Variants in AGBL4 observed in about 807,000 individuals in gnomAD.
The protein encoded by AGBL4 is AGBL carboxypeptidase 4, also known as cytosolic carboxypeptidase 6.
Under a neutral mutation model 66.4 loss-of-function variants are expected in AGBL4, and 58 were observed. The ratio of observed to expected loss-of-function variants is 0.87; its 90% confidence interval spans 0.71 to 1.09. The LOEUF (loss-of-function observed/expected upper bound fraction) is 1.09. AGBL4 is among the 50% of genes least tolerant of loss of function. The probability of loss-of-function intolerance (pLI) is 0.00; values close to 1 mark genes in which losing one functional copy is unlikely to be tolerated. For synonymous variants in AGBL4, 234 were observed against 222.9 expected (o/e 1.05, Z -0.44); for missense variants, 579 against 631.0 (o/e 0.92, Z 0.88).
chr1:49,937,197 C>T lies in AGBL4; in HGVS notation c.35-85679G>A, dbSNP rs182521782. ...AAGGCAAGGGTTGCAATCCTAGTCT[C>T]TGATAAAACAGACATTAAACCAACA... is the stretch of plus-strand genomic sequence containing the variant. On this transcript the variant is annotated intron_variant, in intron 1 of 13. Transcript: ENST00000371839. 3.6e-3 allele frequency among the ~76,000 whole-genome samples: 550 copies of T among 152,162 alleles called. 3 individuals carry two copies. Among genetic ancestry groups the T allele is most frequent in the African/African-American group, 0.012 (497 of 41,510 alleles).
chr1:49,311,750 G>A (rs900535706), intron 3 of AGBL4, among the ~76,000 whole-genome samples: 1 of 151,630 alleles, frequency 6.6e-6, no homozygotes, highest in Non-Finnish European at 1.5e-5. Flanking sequence ...ATAATTCCAG[G>A]TATCATCTTT....
At position 48,887,941 on chromosome 1, in the gene AGBL4, A is replaced by T. The variant is rs147092026; in HGVS notation, c.595-20711T>A. 2.0e-3 allele frequency among the ~76,000 whole-genome samples: 307 copies of T among 152,252 alleles called. 3 individuals are homozygous for T. The highest frequency in any genetic ancestry group is 7.1e-3 in the African/African-American group (295 of 41,556). On this transcript the variant is annotated intron_variant, in intron 5 of 13. Coordinates refer to ENST00000371839, the MANE Select transcript of AGBL4 (RefSeq NM_032785.4). ...CTCTGTTTGTAGAATGAATGAGCAA[A>T]TTAATGATCAGACTGGGATTTTTCT...
intron 3 of AGBL4, among the ~76,000 whole-genome samples, chr1:49,694,614 C>A (rs1308743454): frequency 6.6e-6 from 1 of 152,174 alleles, no homozygotes; most frequent in Non-Finnish European, 1.5e-5. Context: ...ACAGACCCAA[C>A]TCTCTTGTAA....
At chr1:49,317,176 T>C (rs544653980) in intron 3 of AGBL4, among the ~76,000 whole-genome samples, 29 of 152,078 alleles carry the variant, frequency 1.9e-4, no homozygotes, top group African/African-American at 6.7e-4. Context: ...ATTTTTTGTT[T>C]TCGTCTTTTT....
intron 4 of AGBL4, among the ~76,000 whole-genome samples, chr1:49,119,969 A>G (rs542581597): frequency 3.3e-5 from 5 of 152,254 alleles, no homozygotes; most frequent in Admixed American, 6.5e-5. Context: ...TTGTTGGTTT[A>G]AAGTCTGTTT....
At chr1:49,499,720 C>CATATATATATATATATATATATATAT (rs151053487) in intron 3 of AGBL4, among the ~76,000 whole-genome samples, 1 of 145,346 alleles carries the variant, frequency 6.9e-6, no homozygotes, top group South Asian at 2.2e-4. Context: ...GAATGGTATT[C>CATATATATATATATATATATATATAT]ATATATATAT....
chr1:49,880,628 G>T (rs954092998), intron 1 of AGBL4, among the ~76,000 whole-genome samples: 25 of 152,212 alleles, frequency 1.6e-4, no homozygotes, highest in Non-Finnish European at 3.4e-4. Flanking sequence ...TCTGTGCCCT[G>T]CCCCCAGAGG....
chr1:49,561,371 T>C (rs568762248), intron 3 of AGBL4, among the ~76,000 whole-genome samples: 13 of 152,020 alleles, frequency 8.6e-5, no homozygotes, highest in African/African-American at 3.1e-4. Context: ...GCAGGTTACA[T>C]ATGTACACAT....
rs1174499430 is a variant in AGBL4, at chr1:48,951,695, A to T, written c.595-84465T>A. Among the ~76,000 whole-genome samples, 3 of 152,306 alleles carry T rather than the reference A, an allele frequency of 2.0e-5. No individual in the cohort carries two copies. The East Asian group carries it at 5.8e-4, about 29-fold the overall frequency. ...CATCATGCTGGCATCCTGATCTCAG[A>T]CTTCCAGACTCCCGAACTGTGAGAA... On this transcript the variant is annotated intron_variant, in intron 5 of 13. Transcript: ENST00000371839.
At chr1:48,791,047 G>A (rs537762224) in intron 6 of AGBL4, among the ~76,000 whole-genome samples, 1 of 152,252 alleles carries the variant, frequency 6.6e-6, no homozygotes, top group East Asian at 1.9e-4. Flanking sequence ...CCAGAACCAT[G>A]AGCCAAATAA....
intron 4 of AGBL4, among the ~76,000 whole-genome samples, chr1:49,239,332 T>C (rs1189404302): frequency 1.3e-5 from 2 of 152,286 alleles, no homozygotes; most frequent in East Asian, 3.9e-4. Flanking sequence ...TTATAGACAT[T>C]AATCTTAGAG....
At chr1:49,073,112 C>G (rs1644642767) in intron 4 of AGBL4, among the ~76,000 whole-genome samples, 1 of 152,138 alleles carries the variant, frequency 6.6e-6, no homozygotes, top group African/African-American at 2.4e-5. Flanking sequence ...TTTATGTTCT[C>G]CTCTACACTG....
chr1:49,677,462 T>C (rs747394945), intron 3 of AGBL4, among the ~76,000 whole-genome samples: 1 of 152,102 alleles, frequency 6.6e-6, no homozygotes, highest in African/African-American at 2.4e-5. Flanking sequence ...TTAGTCTTGG[T>C]ATATAATTCT....
intron 3 of AGBL4, among the ~76,000 whole-genome samples, chr1:49,633,836 T>C (rs1645617106): frequency 6.7e-6 from 1 of 148,620 alleles, no homozygotes; most frequent in Non-Finnish European, 1.5e-5. Context: ...TATTACAAAA[T>C]ACATATTATA....
At chr1:49,568,303 A>C (rs562259051) in intron 3 of AGBL4, among the ~76,000 whole-genome samples, 1 of 152,298 alleles carries the variant, frequency 6.6e-6, no homozygotes, top group East Asian at 1.9e-4. Flanking sequence ...AGGATACAAA[A>C]TTAATGTAAA....
At chr1:49,739,249 A>G (rs1399033093) in intron 2 of AGBL4, among the ~76,000 whole-genome samples, 1 of 152,210 alleles carries the variant, frequency 6.6e-6, no homozygotes, top group Non-Finnish European at 1.5e-5. Context: ...CGAGAACTAC[A>G]TGAGGAATGC....
chr1:49,100,682 C>T (rs927689659), intron 4 of AGBL4, among the ~76,000 whole-genome samples: 1 of 152,072 alleles, frequency 6.6e-6, no homozygotes, highest in African/African-American at 2.4e-5. Context: ...TCTAGGGAGT[C>T]GGGCAATGTT....
chr1:48,658,873 A>G (rs1435153691), intron 7 of AGBL4, among the ~76,000 whole-genome samples: 2 of 149,072 alleles, frequency 1.3e-5, no homozygotes, highest in Non-Finnish European at 3.0e-5. Context: ...GTGTGTGTGT[A>G]TCCACATCCT....
chr1:49,448,734 G>A (rs559067017), intron 3 of AGBL4, among the ~76,000 whole-genome samples: 18 of 152,210 alleles, frequency 1.2e-4, no homozygotes, highest in African/African-American at 4.3e-4. Flanking sequence ...TGGTATCTAT[G>A]GTGAAGATTA....
Sources: allele counts gnomAD v4.1 joint callset (sites outside exome capture counted in the v4.1 genomes callset), GRCh38; gene constraint gnomAD v4.1.1; transcripts MANE v1.5; gene names NCBI Gene and HGNC (gene_info 2026-07-23, HGNC 2026-07-21).